MGAT4C: variants seen among roughly 807,000 people sequenced by gnomAD.
The protein encoded by MGAT4C is MGAT4 family member C.
In MGAT4C, 19 loss-of-function variants were observed where a neutral mutation model predicts 40.1. The observed-to-expected ratio is 0.47, with a 90% CI of 0.33 to 0.70. The LOEUF (loss-of-function observed/expected upper bound fraction) is 0.70, where lower values mean the gene tolerates loss of function less well. MGAT4C is among the 30% of genes least tolerant of loss of function. MGAT4C has a pLI of 0.02. For synonymous variants in MGAT4C, 181 were observed against 187.1 expected (o/e 0.97, Z 0.27); for missense variants, 491 against 563.2 (o/e 0.87, Z 1.30).
intron 3 of MGAT4C, among the ~76,000 whole-genome samples, chr12:86,355,297 C>T (rs994360851): frequency 2.0e-5 from 3 of 152,172 alleles, no homozygotes; most frequent in African/African-American, 7.2e-5. Context: ...GAAATGTTCT[C>T]CAAGTCTCCA....
rs186960855 is a variant in MGAT4C at position 86,770,068 on chromosome 12, T to C, written c.-261-42827A>G. Among the ~76,000 whole-genome samples the C allele has an allele frequency of 7.8e-3, 1,180 of 152,224 alleles. 6 individuals carry two copies. Among genetic ancestry groups the C allele is most frequent in the Middle Eastern group, 0.027 (8 of 294 alleles). ...TAGCTTTATTCCATTAAAAATTTTA[T>C]AATCAATAGATTAGTATATGATGTT... On this transcript the variant is annotated intron_variant, in intron 1 of 7. Coordinates refer to the MGAT4C transcript ENST00000548651.
At chr12:86,694,725 G>C (rs376943454) in intron 2 of MGAT4C, among the ~76,000 whole-genome samples, 1 of 152,258 alleles carries the variant, frequency 6.6e-6, no homozygotes, top group African/African-American at 2.4e-5. Context: ...AATGAAACTA[G>C]ACTCCTGTCT....
chr12:86,729,464 A>G (rs1007594625), intron 1 of MGAT4C, among the ~76,000 whole-genome samples: 1 of 152,118 alleles, frequency 6.6e-6, no homozygotes, highest in African/African-American at 2.4e-5. Context: ...GATTCTGAAT[A>G]GAATAGTGTG....
chr12:86,349,677 A>C (rs1287319020), intron 3 of MGAT4C, among the ~76,000 whole-genome samples: 1 of 152,096 alleles, frequency 6.6e-6, no homozygotes, highest in East Asian at 1.9e-4. Flanking sequence ...CAAAAACTTC[A>C]AGTTAATTTA....
intron 2 of MGAT4C, among the ~76,000 whole-genome samples, chr12:86,048,253 A>G (rs1201454161): frequency 3.3e-5 from 5 of 152,122 alleles, no homozygotes; most frequent in Admixed American, 3.3e-4. Flanking sequence ...AGTGGGGGCT[A>G]AACACTGAGT....
At chr12:86,555,715 T>C (rs1959577439) in intron 2 of MGAT4C, among the ~76,000 whole-genome samples, 1 of 152,202 alleles carries the variant, frequency 6.6e-6, no homozygotes, top group African/African-American at 2.4e-5. Context: ...GTAAATCATA[T>C]GCTTAATGCA....
At chr12:86,663,931 G>A (rs1964039518) in intron 2 of MGAT4C, among the ~76,000 whole-genome samples, 1 of 152,176 alleles carries the variant, frequency 6.6e-6, no homozygotes, top group African/African-American at 2.4e-5. Context: ...ATTTGGAGGG[G>A]TAAGTTGCTT....
chr12:86,628,078 C>A (rs1962880506), intron 2 of MGAT4C, among the ~76,000 whole-genome samples: 1 of 152,114 alleles, frequency 6.6e-6, no homozygotes, highest in African/African-American at 2.4e-5. Flanking sequence ...AAAACCATGG[C>A]AGGAGAACTA....
chr12:86,299,475 T>C (rs1393382677), intron 4 of MGAT4C, among the ~76,000 whole-genome samples: 1 of 152,162 alleles, frequency 6.6e-6, no homozygotes, highest in East Asian at 1.9e-4. Flanking sequence ...AATAAATATG[T>C]CAATGAGAAT....
intron 4 of MGAT4C, among the ~76,000 whole-genome samples, chr12:86,288,979 C>A (rs772274075): frequency 1.3e-5 from 2 of 152,042 alleles, no homozygotes; most frequent in African/African-American, 2.4e-5. Context: ...GTCATGAAAT[C>A]TTTGTCAGGG....
At chr12:86,373,939 C>T (rs1435318495) in intron 3 of MGAT4C, among the ~76,000 whole-genome samples, 1 of 152,054 alleles carries the variant, frequency 6.6e-6, no homozygotes. Context: ...ACAGCTGTAA[C>T]TTTCATTCTT....
chr12:86,754,697 T>G (rs994054463), intron 1 of MGAT4C, among the ~76,000 whole-genome samples: 1 of 152,124 alleles, frequency 6.6e-6, no homozygotes, highest in Non-Finnish European at 1.5e-5. Flanking sequence ...GACTGTATAA[T>G]GGAATTAGGC....
Position 86,315,965 on chromosome 12 carries a change from A to C in MGAT4C, c.-57+18100T>G, listed in dbSNP as rs1954210863. ...AAACTATGCATCCAACAAAGGTTTA[A>C]TATCCAGATCTATGAGTAAGTTAAA... On this transcript the variant is annotated intron_variant, in intron 4 of 7. Coordinates refer to the MGAT4C transcript ENST00000548651. 2.6e-5 allele frequency among the ~76,000 whole-genome samples: 4 copies of C among 151,710 alleles called. No homozygotes were observed. In the South Asian group the frequency reaches 8.4e-4, roughly 32 times the overall value.
chr12:86,735,784 C>T (rs1172505894), intron 1 of MGAT4C, among the ~76,000 whole-genome samples: 1 of 151,848 alleles, frequency 6.6e-6, no homozygotes, highest in Non-Finnish European at 1.5e-5. Flanking sequence ...CCTCCCACCA[C>T]CTACATGTTT....
rs1376100464 is a variant in MGAT4C at position 86,672,928 on chromosome 12, T to C, written c.-229+54281A>G. 2.0e-5 allele frequency among the ~76,000 whole-genome samples: 3 copies of C among 152,020 alleles called. No homozygotes were observed. In the East Asian group the frequency reaches 5.8e-4, roughly 29 times the overall value. ...TTGAAAAAAATATATTATTTAGATTTAAAAAGAAAGAAAAATAAAGCAATC... is the reference window on the plus strand; with the variant it reads ...TTGAAAAAAATATATTATTTAGATTCAAAAAGAAAGAAAAATAAAGCAATC... On this transcript the variant is annotated intron_variant, in intron 2 of 7. Coordinates refer to the MGAT4C transcript ENST00000548651.
At chr12:86,183,434 C>A (rs80238529) in intron 1 of MGAT4C, among the ~76,000 whole-genome samples, 7,256 of 152,222 alleles carry the variant, frequency 0.048, 567 homozygotes, top group African/African-American at 0.16. Context: ...TAATACCAAT[C>A]TCATATATTT....
At chr12:86,276,805 C>G (rs1246265397) in intron 4 of MGAT4C, among the ~76,000 whole-genome samples, 1 of 152,160 alleles carries the variant, frequency 6.6e-6, no homozygotes, top group African/African-American at 2.4e-5. Flanking sequence ...ATTGTGTATA[C>G]ATACTACATG....
intron 3 of MGAT4C, among the ~76,000 whole-genome samples, chr12:86,428,362 A>G (rs1956972029): frequency 6.6e-6 from 1 of 152,138 alleles, no homozygotes; most frequent in African/African-American, 2.4e-5. Flanking sequence ...AGAGAGCAGG[A>G]CTGAGGAGCA....
At chr12:86,250,087 T>A (rs1196329252) in intron 1 of MGAT4C, among the ~76,000 whole-genome samples, 3 of 152,156 alleles carry the variant, frequency 2.0e-5, no homozygotes, top group African/African-American at 7.2e-5. Flanking sequence ...ATTTGTAGAA[T>A]GAGTCAGAGC....
Sources: gnomAD v4.1 joint callset for allele counts (sites outside exome capture counted in the v4.1 genomes callset) on GRCh38, gnomAD v4.1.1 for gene constraint, MANE v1.5 for transcripts, NCBI Gene and HGNC (gene_info 2026-07-23, HGNC 2026-07-21) for gene names.